The following RBFOX1 variants were observed in gnomAD, a reference collection of about 807,000 sequenced individuals.
RBFOX1 encodes RNA binding fox-1 homolog 1.
RBFOX1 carries 8 observed loss-of-function variants against 57.7 expected under a neutral mutation model. That is an observed-to-expected ratio of 0.14 (90% CI 0.08 to 0.25). RBFOX1 has a LOEUF of 0.25. Among genes scored for constraint, RBFOX1 ranks in the 10% least tolerant of loss-of-function variants. The pLI is 1.00. For missense variants in RBFOX1, 611 were observed against 548.5 expected (o/e 1.11, Z -1.14); for synonymous variants, 326 against 222.4 (o/e 1.47, Z -4.15).
Position 5,893,194 on chromosome 16 carries a change from C to G in RBFOX1, c.351+25859C>G, listed in dbSNP as rs147854076. On this transcript the variant is annotated intron_variant, in intron 4 of 19. Coordinates refer to the RBFOX1 transcript ENST00000641259. The stretch of plus-strand genomic sequence containing the variant: ...CAGCTGATGCTCCAGAAGTATGCTC[C>G]TCATCCTCACATAGCTTTGAATGCC... 5.5e-4 allele frequency among the ~76,000 whole-genome samples: 84 copies of G among 152,304 alleles called. 1 individual carries two copies. Among genetic ancestry groups the G allele is most frequent in the African/African-American group, 1.9e-3 (81 of 41,552 alleles).
At chr16:5,270,887 G>C (rs1359794794) in intron 1 of RBFOX1, 1 of 407,442 alleles carries the variant, frequency 2.5e-6, no homozygotes, top group Non-Finnish European at 4.6e-6. Flanking sequence ...AAACCCACTA[G>C]GGACGAGACA....
chr16:5,438,986 T>C (rs1029881763), intron 1 of RBFOX1, among the ~76,000 whole-genome samples: 2 of 148,010 alleles, frequency 1.4e-5, no homozygotes, highest in African/African-American at 4.9e-5. Context: ...TGTGACCACT[T>C]ATACTGCATA....
chr16:6,962,291 C>G (rs2083190548), intron 3 of RBFOX1, among the ~76,000 whole-genome samples: 2 of 152,122 alleles, frequency 1.3e-5, no homozygotes, highest in South Asian at 2.1e-4. Context: ...TTGGCCCACC[C>G]TAAATTCAGG....
chr16:6,714,723 C>T (rs1236710640), intron 3 of RBFOX1, among the ~76,000 whole-genome samples: 1 of 152,058 alleles, frequency 6.6e-6, no homozygotes, highest in Non-Finnish European at 1.5e-5. Flanking sequence ...GTGGTGGCTT[C>T]AAGGTGTTGC....
At chr16:6,947,465 CAT>C (rs759870781) in intron 3 of RBFOX1, among the ~76,000 whole-genome samples, 10 of 152,182 alleles carry the variant, frequency 6.6e-5, no homozygotes, top group Non-Finnish European at 1.5e-4. Context: ...CGGCTGAGAA[CAT>C]ATGTTCTTGG....
intron 3 of RBFOX1, among the ~76,000 whole-genome samples, chr16:6,682,855 A>T (rs1004725822): frequency 3.4e-5 from 5 of 145,404 alleles, no homozygotes; most frequent in Non-Finnish European, 7.4e-5. Context: ...AACATTTTTG[A>T]AAAAAGAAAA....
intron 1 of RBFOX1, among the ~76,000 whole-genome samples, chr16:6,077,070 C>T (rs1597064258): frequency 6.6e-6 from 1 of 152,126 alleles, no homozygotes. Flanking sequence ...GCTTCGTAAG[C>T]CTAGATGGGT....
In RBFOX1 at chr16:7,417,355, A is replaced by G. The variant is rs112694320; in HGVS notation, c.28-100792A>G. 9.2e-3 allele frequency among the ~76,000 whole-genome samples: 1,296 copies of G among 141,072 alleles called. 25 individuals are homozygous for G. Among genetic ancestry groups the G allele is most frequent in the African/African-American group, 0.033 (1,211 of 37,220 alleles). 92.5% of individuals were successfully genotyped at this position (141,072 alleles called of 152,430 possible). A position where few individuals can be genotyped will look rare whatever the true frequency, so the allele number is the denominator to read the frequency against. On this transcript the variant is annotated intron_variant, in intron 4 of 15. Coordinates refer to ENST00000550418, the MANE Select transcript of RBFOX1 (RefSeq NM_018723.4). Reference sequence around the variant, plus strand: ...TCCACTGCATTCCAGCCTGGGCAACAGAGCGAGACTCTGTGTCAAAGAAAA... The same window carrying G: ...TCCACTGCATTCCAGCCTGGGCAACGGAGCGAGACTCTGTGTCAAAGAAAA...
In RBFOX1 at chr16:6,483,110, C is replaced by A. The variant is rs2095399705; in HGVS notation, c.-64+166053C>A. ...ACCCGTAGGGGCGGGACCCACGCAG[C>A]CCCAGTATCCACTGCCTTCCCCCAG... On this transcript the variant is annotated intron_variant, in intron 2 of 15. Transcript: ENST00000550418. The A allele has an allele frequency of 2.9e-6, 3 of 1,025,518 alleles. No homozygotes were observed. In the South Asian group the frequency reaches 1.2e-4, roughly 40 times the overall value. 63.5% of individuals were successfully genotyped at this position (1,025,518 alleles called of 1,614,324 possible). A position where few individuals can be genotyped will look rare whatever the true frequency, so the allele number is the denominator to read the frequency against.
chr16:5,675,634 G>A (rs1049093614), intron 3 of RBFOX1, among the ~76,000 whole-genome samples: 2 of 152,180 alleles, frequency 1.3e-5, no homozygotes, highest in Admixed American at 6.5e-5. Flanking sequence ...GATGGCTTCC[G>A]CGTGTCATCG....
At chr16:6,200,933 T>A (rs955596882) in intron 1 of RBFOX1, among the ~76,000 whole-genome samples, 1 of 114,250 alleles carries the variant, frequency 8.8e-6, no homozygotes, top group African/African-American at 3.2e-5. Flanking sequence ...TTTTCGGTGT[T>A]AACTTAGTGA....
chr16:6,659,969 G>A (rs1307849342), intron 3 of RBFOX1, among the ~76,000 whole-genome samples: 1 of 152,120 alleles, frequency 6.6e-6, no homozygotes, highest in Admixed American at 6.5e-5. Context: ...TGTGGCTCAT[G>A]CCTGTAATCC....
chr16:5,729,396 C>CTTTTTT (rs71142649), intron 3 of RBFOX1, among the ~76,000 whole-genome samples: 53 of 111,422 alleles, frequency 4.8e-4, no homozygotes, highest in Non-Finnish European at 6.7e-4. Flanking sequence ...TTTTTCTTTT[C>CTTTTTT]TTTTTTTTTT....
intron 4 of RBFOX1, among the ~76,000 whole-genome samples, chr16:7,341,531 C>G (rs959441430): frequency 3.3e-5 from 5 of 152,128 alleles, no homozygotes; most frequent in Non-Finnish European, 5.9e-5. Flanking sequence ...AGATAGAACT[C>G]TTGAGTCTCC....
chr16:5,645,229 G>A (rs7184706), intron 3 of RBFOX1, among the ~76,000 whole-genome samples: 116,375 of 151,218 alleles, frequency 0.77, 52,199 homozygotes, highest in East Asian at 1. Flanking sequence ...AGCCTGGGCA[G>A]CAAAAATGAA....
rs563274342 is a variant in RBFOX1, at chr16:6,943,635, G to T, written c.-15-108422G>T. 6.2e-4 allele frequency among the ~76,000 whole-genome samples: 94 copies of T among 152,028 alleles called. 1 individual carries two copies. In the South Asian group the frequency reaches 0.012, roughly 19 times the overall value. Reference sequence around the variant, plus strand: ...AGGCAGGAGAATGGCGTGAACCCGGGAGGCGGAGCTTGCAGTGAGCCAAGA... The same window carrying T: ...AGGCAGGAGAATGGCGTGAACCCGGTAGGCGGAGCTTGCAGTGAGCCAAGA... On this transcript the variant is annotated intron_variant, in intron 3 of 15. Transcript: ENST00000550418.
chr16:6,889,481 G>T (rs1473512), intron 3 of RBFOX1, among the ~76,000 whole-genome samples: 2,794 of 152,318 alleles, frequency 0.018, 46 homozygotes, highest in African/African-American at 0.024. Flanking sequence ...TAGCAAGTGG[G>T]AAAATAGGCA....
chr16:7,311,414 G>A (rs1332851967), intron 4 of RBFOX1, among the ~76,000 whole-genome samples: 7 of 151,386 alleles, frequency 4.6e-5, no homozygotes, highest in Admixed American at 6.6e-5. Context: ...TAGGATTTAA[G>A]TGACTCCAAT....
At chr16:6,447,003 T>C (rs1011637932) in intron 2 of RBFOX1, among the ~76,000 whole-genome samples, 7 of 152,206 alleles carry the variant, frequency 4.6e-5, no homozygotes, top group African/African-American at 1.7e-4. Flanking sequence ...AAAATACATT[T>C]TCACTCTTTG....
Sources: gnomAD v4.1 joint callset for allele counts (sites outside exome capture counted in the v4.1 genomes callset) on GRCh38, gnomAD v4.1.1 for gene constraint, MANE v1.5 for transcripts, NCBI Gene and HGNC (gene_info 2026-07-23, HGNC 2026-07-21) for gene names.